Variants in ARHGDIB observed in about 807,000 individuals in gnomAD.
ARHGDIB encodes rho GDP-dissociation inhibitor 2.
Under a neutral mutation model 22.6 loss-of-function variants are expected in ARHGDIB, and 20 were observed. The observed-to-expected ratio is 0.88, with a 90% CI of 0.62 to 1.28. The LOEUF is 1.28. Among genes scored for constraint, ARHGDIB ranks in the 50% most tolerant of loss-of-function variants. The pLI is 0.00. For missense variants in ARHGDIB, 254 were observed against 245.4 expected (o/e 1.04, Z -0.23); for synonymous variants, 114 against 96.1 (o/e 1.19, Z -1.09).
chr12:14,947,721 T>C lies in ARHGDIB; in HGVS notation c.342+152A>G, dbSNP rs1157625209. 12 of 649,062 alleles carry C rather than the reference T, an allele frequency of 1.8e-5. No individual in the cohort carries two copies. In the Admixed American group the frequency reaches 2.8e-4, roughly 15 times the overall value. The allele number at this position is 649,062 out of a possible 1,614,324, so 40.2% of individuals were successfully genotyped here. On this transcript the variant is annotated intron_variant, in intron 4 of 5. Transcript: ENST00000228945. The stretch of plus-strand genomic sequence containing the variant: ...AAACGTGGGTCTCAACAGGTAGCCC[T>C]CAGGGCTGGGAAGAGGACATTCCAG...
Position 14,942,505 on chromosome 12 carries a change from G to A in ARHGDIB, c.*17C>T, listed in dbSNP as rs1863887293. The A allele has an allele frequency of 3.7e-6, 6 of 1,613,482 alleles. 1 individual carries two copies. The African/African-American group carries it at 8.0e-5, about 22-fold the overall frequency. On this transcript the variant is annotated 3_prime_UTR_variant, in exon 6 of 6. Transcript: ENST00000228945. ...AATTCTTCCAGGTGGCAAGGGTGGGGAAAGGGGTGGATGCATTCATTCTGT... is the reference window on the plus strand; with the variant it reads ...AATTCTTCCAGGTGGCAAGGGTGGGAAAAGGGGTGGATGCATTCATTCTGT...
intron 4 of ARHGDIB, among the ~76,000 whole-genome samples, chr12:14,946,944 G>C (rs1208512126): frequency 2.6e-5 from 4 of 152,196 alleles, no homozygotes; most frequent in Admixed American, 6.5e-5. Context: ...GTCCATTATA[G>C]AGTAGGCATC....
At chr12:14,960,145 G>T (rs1864381960) in intron 1 of ARHGDIB, among the ~76,000 whole-genome samples, 1 of 152,284 alleles carries the variant, frequency 6.6e-6, no homozygotes, top group South Asian at 2.1e-4. Flanking sequence ...GTGAAGTGGT[G>T]ACCATGAGCC....
chr12:14,946,811 T>A (rs756632410), intron 4 of ARHGDIB, among the ~76,000 whole-genome samples: 1 of 152,218 alleles, frequency 6.6e-6, no homozygotes, highest in Non-Finnish European at 1.5e-5. Context: ...GCATCAATGA[T>A]TAAAAATGAA....
chr12:14,942,621 T>C lies in ARHGDIB; in HGVS notation c.507A>G (p.Arg169=). The C allele has an allele frequency of 6.2e-7, 1 of 1,614,146 alleles. No homozygotes were observed. The highest frequency in any genetic ancestry group is 8.5e-7 in the Non-Finnish European group (1 of 1,180,016). The change falls in exon 6 of 6, where the codon CGA becomes CGG. Residue 169 remains arginine, a synonymous_variant. Transcript: ENST00000228945. ...VEEAPKGMLA[R]GTYHNKSFFT... ...AGAAGGACTTGTTGTGGTACGTGCC[T>C]CGCGCCAGCATGCCCTTGGGAGCCT... is the stretch of plus-strand genomic sequence containing the variant.
chr12:14,945,264 C>T (rs1197891161), intron 4 of ARHGDIB, among the ~76,000 whole-genome samples: 2 of 152,126 alleles, frequency 1.3e-5, no homozygotes, highest in South Asian at 2.1e-4. Flanking sequence ...TATCTAAAAA[C>T]CACAACCTCA....
chr12:14,943,758 T>C (rs970488119), intron 5 of ARHGDIB, among the ~76,000 whole-genome samples: 1 of 152,112 alleles, frequency 6.6e-6, no homozygotes, highest in African/African-American at 2.4e-5. Context: ...ATATTAAGAA[T>C]AGTTGGGCAT....
At chr12:14,958,744 T>A (rs115439320) in intron 1 of ARHGDIB, among the ~76,000 whole-genome samples, 2,393 of 152,300 alleles carry the variant, frequency 0.016, 55 homozygotes, top group African/African-American at 0.052. Context: ...TGTGCTAAGA[T>A]TATTAGGCTC....
rs1364474626 is a variant in ARHGDIB, at chr12:14,942,493, G to T, written c.*29C>A. 12 of 1,612,570 alleles carry T rather than the reference G, an allele frequency of 7.4e-6. No individual in the cohort carries two copies. Among genetic ancestry groups the T allele is most frequent in the Middle Eastern group, 1.8e-4 (1 of 5,664 alleles). On this transcript the variant is annotated 3_prime_UTR_variant, in exon 6 of 6. Transcript: ENST00000228945. ...CACGCCTGAGAGAATTCTTCCAGGT[G>T]GCAAGGGTGGGGAAAGGGGTGGATG...
chr12:14,953,311 G>A (rs1864224356), intron 1 of ARHGDIB, among the ~76,000 whole-genome samples: 1 of 152,274 alleles, frequency 6.6e-6, no homozygotes, highest in Middle Eastern at 3.4e-3. Context: ...GAGACCAGGT[G>A]ATCCCAAACT....
intron 1 of ARHGDIB, among the ~76,000 whole-genome samples, chr12:14,958,396 G>A (rs141476397): frequency 6.6e-6 from 1 of 152,192 alleles, no homozygotes; most frequent in Non-Finnish European, 1.5e-5. Context: ...TCAATCCAGA[G>A]AAGGGCACAA....
At chr12:14,943,541 G>C (rs1863933473) in intron 5 of ARHGDIB, among the ~76,000 whole-genome samples, 1 of 152,088 alleles carries the variant, frequency 6.6e-6, no homozygotes, top group Non-Finnish European at 1.5e-5. Flanking sequence ...GTATATGATG[G>C]ACTTTAAGGA....
At position 14,950,698 on chromosome 12, in the gene ARHGDIB, G is replaced by A. The variant is rs2120723042; in HGVS notation, c.15C>T (p.Ala5=). 4.4e-6 allele frequency: 7 copies of A among 1,607,632 alleles called. No individual in the cohort carries two copies. Among genetic ancestry groups the A allele is most frequent in the Non-Finnish European group, 5.9e-6 (7 of 1,177,970 alleles). MTEK[A]PEPHVEEDDD... ...CATCCTCCTCCACATGTGGCTCTGG[G>A]GCTTTTTCAGTCATTCTGATCTATT... The change falls in exon 2 of 6, where the codon GCC becomes GCT. Residue 5 remains alanine (A), a synonymous_variant. Transcript: ENST00000228945.
intron 1 of ARHGDIB, 187 bp from the exon 2 acceptor site, chr12:14,950,911 T>C (rs913915757): frequency 3.4e-5 from 17 of 498,964 alleles, no homozygotes; most frequent in Non-Finnish European, 5.5e-5. Flanking sequence ...TAGTAATTTC[T>C]CTGACCTGCC....
intron 4 of ARHGDIB, among the ~76,000 whole-genome samples, 181 bp from the exon 5 acceptor site, chr12:14,945,020 A>G (rs1471494981): frequency 6.6e-6 from 1 of 152,248 alleles, no homozygotes; most frequent in Admixed American, 6.5e-5. Flanking sequence ...GAGAGGGGAA[A>G]TCATAAAATG....
intron 1 of ARHGDIB, 162 bp downstream of exon 1, chr12:14,961,375 C>T (rs1038826306): frequency 6.6e-6 from 1 of 152,296 alleles, no homozygotes; most frequent in African/African-American, 2.4e-5. Context: ...TTCCCCTTCT[C>T]TGCAGCCTCC....
chr12:14,956,472 C>T, intron 1 of ARHGDIB: 1 of 152,162 alleles, frequency 6.6e-6, no homozygotes, highest in East Asian at 1.9e-4. Flanking sequence ...GAGGACTCAG[C>T]CCATCAGCAT....
chr12:14,952,553 A>C (rs1864202600), intron 1 of ARHGDIB, among the ~76,000 whole-genome samples: 1 of 152,206 alleles, frequency 6.6e-6, no homozygotes, highest in Non-Finnish European at 1.5e-5. Context: ...ATTCCAAACA[A>C]CACTCAGGGA....
chr12:14,945,742 A>T (rs1029291807), intron 4 of ARHGDIB, among the ~76,000 whole-genome samples: 10 of 152,198 alleles, frequency 6.6e-5, no homozygotes, highest in African/African-American at 2.4e-4. Flanking sequence ...AACCAGTGCT[A>T]TCTTTTGTTT....
Sources: allele counts gnomAD v4.1 joint callset (sites outside exome capture counted in the v4.1 genomes callset), GRCh38; gene constraint gnomAD v4.1.1; transcripts MANE v1.5; gene names NCBI Gene and HGNC (gene_info 2026-07-23, HGNC 2026-07-21).